The following SNX9 variants were observed in gnomAD, a reference collection of about 807,000 sequenced individuals.
The protein encoded by SNX9 is sorting nexin 9.
Under a neutral mutation model 89.4 loss-of-function variants are expected in SNX9, and 44 were observed. That is an observed-to-expected ratio of 0.49 (90% CI 0.39 to 0.63). The LOEUF (loss-of-function observed/expected upper bound fraction) is 0.63, where lower values mean the gene tolerates loss of function less well. Ranked by LOEUF, SNX9 falls within the 30% of genes least tolerant of loss-of-function variation. The probability of loss-of-function intolerance (pLI) is 0.00; values close to 1 mark genes in which losing one functional copy is unlikely to be tolerated. For synonymous variants in SNX9, 236 were observed against 247.8 expected, an observed-to-expected ratio of 0.95 and a Z score of 0.45; for missense variants, 578 against 736.1, an observed-to-expected ratio of 0.79 and a Z score of 2.49.
At chr6:157,861,658 C>T (rs1468648897) in intron 1 of SNX9, among the ~76,000 whole-genome samples, 1 of 152,068 alleles carries the variant, frequency 6.6e-6, no homozygotes, top group African/African-American at 2.4e-5. Flanking sequence ...TGCAGTAGTC[C>T]CCCTTTAGTG....
intron 1 of SNX9, among the ~76,000 whole-genome samples, chr6:157,833,534 G>C (rs1781515153): frequency 6.6e-6 from 1 of 152,136 alleles, no homozygotes; most frequent in Admixed American, 6.5e-5. Flanking sequence ...AAAAGAGTAT[G>C]TTTTAAAAGT....
chr6:157,914,400 G>A (rs576842073), intron 9 of SNX9, among the ~76,000 whole-genome samples: 25 of 146,706 alleles, frequency 1.7e-4, no homozygotes, highest in Non-Finnish European at 3.3e-4. Flanking sequence ...CTAGAAACAA[G>A]TTCTTTGTTA....
In SNX9 at chr6:157,910,907, G is replaced by A. The variant is rs577110504; in HGVS notation, c.949+882G>A. ...GAGGCCGAGGCGGGCGGATCACGAG[G>A]TCAGGAGATCGAGACCATCCAGGCT... is the stretch of plus-strand genomic sequence containing the variant. On this transcript the variant is annotated intron_variant, in intron 9 of 17. Coordinates refer to ENST00000392185, the MANE Select transcript of SNX9 (RefSeq NM_016224.5). Among the ~76,000 whole-genome samples the A allele has an allele frequency of 1.2e-4, 18 of 152,280 alleles. 1 individual carries two copies. The highest frequency in any genetic ancestry group is 4.1e-4 in the African/African-American group (17 of 41,552).
chr6:157,882,358 T>C (rs1782644414), intron 4 of SNX9, among the ~76,000 whole-genome samples: 1 of 152,240 alleles, frequency 6.6e-6, no homozygotes, highest in South Asian at 2.1e-4. Flanking sequence ...CTAAGAGCGC[T>C]GATGGAGATG....
At chr6:157,940,786 G>T in intron 16 of SNX9, 97 bp from the exon 17 acceptor site, 1 of 1,059,404 alleles carries the variant, frequency 9.4e-7, no homozygotes. Flanking sequence ...ACCAGATTAG[G>T]TCAGGTTGAT....
intron 12 of SNX9, 140 bp from the exon 13 acceptor site, chr6:157,932,055 T>G (rs1783822182): frequency 3.0e-6 from 2 of 671,880 alleles, no homozygotes; most frequent in Non-Finnish European, 5.1e-6. Context: ...AAACAATCAC[T>G]TTTGCAACAG....
intron 1 of SNX9, among the ~76,000 whole-genome samples, chr6:157,847,788 C>G (rs1003772029): frequency 1.3e-5 from 2 of 152,144 alleles, no homozygotes; most frequent in African/African-American, 4.8e-5. Context: ...GTAAATACTC[C>G]TTTTCATCTC....
At chr6:157,844,886 C>G (rs1271998596) in intron 1 of SNX9, among the ~76,000 whole-genome samples, 1 of 151,644 alleles carries the variant, frequency 6.6e-6, no homozygotes, top group Non-Finnish European at 1.5e-5. Flanking sequence ...TGAGCCACTG[C>G]GCCTGGCCGT....
chr6:157,907,047 A>C (rs943819844), intron 7 of SNX9, among the ~76,000 whole-genome samples: 1 of 152,168 alleles, frequency 6.6e-6, no homozygotes, highest in African/African-American at 2.4e-5. Flanking sequence ...CATGTTTGAA[A>C]AACTCCAAAT....
chr6:157,911,388 C>T (rs970592830), intron 9 of SNX9, among the ~76,000 whole-genome samples: 2 of 152,116 alleles, frequency 1.3e-5, no homozygotes, highest in Non-Finnish European at 2.9e-5. Flanking sequence ...AGACAAGAGG[C>T]GGTGGAATTC....
intron 1 of SNX9, among the ~76,000 whole-genome samples, chr6:157,863,539 A>G (rs34652677): frequency 0.02 from 3,107 of 152,362 alleles, 96 homozygotes; most frequent in African/African-American, 0.071. Context: ...GACCAGGACT[A>G]GGTGGAAATT....
intron 10 of SNX9, among the ~76,000 whole-genome samples, chr6:157,925,618 C>G (rs550769564): frequency 6.6e-6 from 1 of 151,898 alleles, no homozygotes; most frequent in Non-Finnish European, 1.5e-5. Context: ...GAATATTATA[C>G]AGCAATGAAA....
chr6:157,866,981 C>A (rs1272376163), intron 1 of SNX9, among the ~76,000 whole-genome samples: 1 of 152,090 alleles, frequency 6.6e-6, no homozygotes, highest in East Asian at 1.9e-4. Flanking sequence ...TGCAGGGTCT[C>A]ACTGTCGTGC....
chr6:157,847,066 T>A (rs1781819174), intron 1 of SNX9, among the ~76,000 whole-genome samples: 1 of 152,150 alleles, frequency 6.6e-6, no homozygotes. Flanking sequence ...TTCTTAATTA[T>A]ACTTTCAGAG....
chr6:157,844,600 G>GTTTTTTTGTTTT (rs1781767593), intron 1 of SNX9, among the ~76,000 whole-genome samples: 1 of 131,806 alleles, frequency 7.6e-6, no homozygotes, highest in African/African-American at 2.8e-5. Flanking sequence ...TTTTTTTTTT[G>GTTTTTTTGTTTT]TTTTTTTTTT....
At chr6:157,884,091 C>G (rs533646939) in intron 4 of SNX9, among the ~76,000 whole-genome samples, 2 of 152,172 alleles carry the variant, frequency 1.3e-5, no homozygotes, top group Non-Finnish European at 2.9e-5. Context: ...GACCACAGGC[C>G]TAGGAGCTGT....
intron 9 of SNX9, among the ~76,000 whole-genome samples, chr6:157,913,653 T>C (rs190352540): frequency 4.6e-5 from 7 of 152,374 alleles, no homozygotes; most frequent in Non-Finnish European, 7.3e-5. Context: ...TCCCTCGTGC[T>C]GCCCATCCCC....
chr6:157,851,924 C>G (rs138199544), intron 1 of SNX9, among the ~76,000 whole-genome samples: 1 of 152,226 alleles, frequency 6.6e-6, no homozygotes, highest in Non-Finnish European at 1.5e-5. Context: ...TTTCAATTAG[C>G]GTAATGTTTT....
intron 4 of SNX9, among the ~76,000 whole-genome samples, chr6:157,880,751 C>T (rs1325653791): frequency 2.0e-5 from 3 of 152,186 alleles, no homozygotes; most frequent in East Asian, 3.9e-4. Flanking sequence ...TTCTCTCCTC[C>T]TTAAGAGGCA....
Sources: gnomAD v4.1 joint callset for allele counts (sites outside exome capture counted in the v4.1 genomes callset) on GRCh38, gnomAD v4.1.1 for gene constraint, MANE v1.5 for transcripts, NCBI Gene and HGNC (gene_info 2026-07-23, HGNC 2026-07-21) for gene names.